The following RARB variants were observed in gnomAD, a reference collection of about 807,000 sequenced individuals.
RARB encodes retinoic acid receptor beta.
RARB carries 17 observed loss-of-function variants against 51.9 expected under a neutral mutation model. The ratio of observed to expected loss-of-function variants is 0.33; its 90% CI spans 0.22 to 0.49. The LOEUF is 0.49. Ranked by LOEUF, RARB falls within the 20% of genes least tolerant of loss-of-function variation. The probability of loss-of-function intolerance (pLI) is 0.99; values close to 1 mark genes in which losing one functional copy is unlikely to be tolerated. For synonymous variants in RARB, 215 were observed against 195.4 expected (o/e 1.10, Z -0.84); for missense variants, 369 against 550.8 (o/e 0.67, Z 3.30).
chr3:24,884,592 C>G (rs1218930001), intron 2 of RARB, among the ~76,000 whole-genome samples: 1 of 152,110 alleles, frequency 6.6e-6, no homozygotes, highest in African/African-American at 2.4e-5. Flanking sequence ...GCTTTTGCCT[C>G]AAACTTCATT....
chr3:25,195,315 A>G (rs1244945433), intron 5 of RARB, among the ~76,000 whole-genome samples: 1 of 151,990 alleles, frequency 6.6e-6, no homozygotes, highest in Non-Finnish European at 1.5e-5. Context: ...TACATGCTCA[A>G]TTTCTGACAA....
intron 3 of RARB, among the ~76,000 whole-genome samples, chr3:25,094,831 C>T (rs1034062627): frequency 6.6e-6 from 1 of 151,228 alleles, no homozygotes; most frequent in Non-Finnish European, 1.5e-5. Flanking sequence ...TGTGCCAAAG[C>T]TCTGGCCTTT....
chr3:25,264,610 CACTA>C (rs1244898764), intron 5 of RARB, among the ~76,000 whole-genome samples: 3 of 152,134 alleles, frequency 2.0e-5, no homozygotes, highest in African/African-American at 7.2e-5. Flanking sequence ...AAATATCAGA[CACTA>C]ACATTTATTA....
chr3:25,209,892 C>T (rs1701648629), intron 5 of RARB, among the ~76,000 whole-genome samples: 1 of 152,170 alleles, frequency 6.6e-6, no homozygotes, highest in African/African-American at 2.4e-5. Flanking sequence ...GGGAAGCTCT[C>T]CTCTGCCATC....
At chr3:25,343,586 C>T (rs1188220589) in intron 5 of RARB, among the ~76,000 whole-genome samples, 1 of 151,882 alleles carries the variant, frequency 6.6e-6, no homozygotes, top group Non-Finnish European at 1.5e-5. Context: ...AATTTATGTT[C>T]CACAGAACCC....
Position 25,100,087 on chromosome 3 carries a change from C to T in RARB, c.-327-32074C>T, listed in dbSNP as rs545500793. 9.9e-5 allele frequency among the ~76,000 whole-genome samples: 15 copies of T among 152,238 alleles called. No individual in the cohort carries two copies. In the South Asian group the frequency reaches 2.9e-3, roughly 29 times the overall value. ...TTAGGGGATGAGAGGTAACAAAGTG[C>T]TCATTCATTCATTCATCCCTGGATT... On this transcript the variant is annotated intron_variant, in intron 3 of 11. Transcript: ENST00000383772.
intron 2 of RARB, among the ~76,000 whole-genome samples, chr3:24,980,528 T>C (rs1429561066): frequency 6.6e-6 from 1 of 152,184 alleles, no homozygotes; most frequent in African/African-American, 2.4e-5. Flanking sequence ...GTCGATCAAA[T>C]TCGATCCTTT....
chr3:25,393,408 T>G (rs1223888645), intron 5 of RARB, among the ~76,000 whole-genome samples: 1 of 152,098 alleles, frequency 6.6e-6, no homozygotes, highest in Admixed American at 6.6e-5. Flanking sequence ...CTTCATAAAA[T>G]GATTTAGGGA....
chr3:25,357,569 G>A (rs201568362), intron 5 of RARB, among the ~76,000 whole-genome samples: 5 of 152,128 alleles, frequency 3.3e-5, no homozygotes, highest in East Asian at 1.9e-4. Flanking sequence ...TGGTGTTTTA[G>A]TCATGAAGTA....
At chr3:24,913,134 C>T (rs1210481633) in intron 2 of RARB, among the ~76,000 whole-genome samples, 1 of 151,604 alleles carries the variant, frequency 6.6e-6, no homozygotes, top group African/African-American at 2.4e-5. Flanking sequence ...GCACCCGCCA[C>T]CACGCCCGGC....
chr3:25,026,128 T>C (rs1209730400), intron 2 of RARB, among the ~76,000 whole-genome samples: 1 of 152,106 alleles, frequency 6.6e-6, no homozygotes, highest in Non-Finnish European at 1.5e-5. Context: ...GCCGTGGGCC[T>C]TCTTAGATAC....
chr3:24,989,259 A>G (rs1341378681), intron 2 of RARB, among the ~76,000 whole-genome samples: 1 of 152,254 alleles, frequency 6.6e-6, no homozygotes, highest in Non-Finnish European at 1.5e-5. Context: ...AGAATGGGAT[A>G]TTGAATAACA....
intron 5 of RARB, among the ~76,000 whole-genome samples, chr3:25,589,507 T>C (rs1701530806): frequency 6.6e-6 from 1 of 152,216 alleles, no homozygotes; most frequent in South Asian, 2.1e-4. Flanking sequence ...GGAATAGAAA[T>C]GAAGGATCAC....
intron 3 of RARB, among the ~76,000 whole-genome samples, chr3:25,120,564 G>A (rs867073347): frequency 2.4e-5 from 1 of 41,952 alleles, no homozygotes; most frequent in African/African-American, 7.6e-5. Context: ...TCTCTCTCTC[G>A]ATATGCCTAT....
At chr3:25,548,467 G>A (rs764043751) in intron 3 of RARB, among the ~76,000 whole-genome samples, 2 of 151,970 alleles carry the variant, frequency 1.3e-5, no homozygotes, top group Admixed American at 6.6e-5. Context: ...GAATAATACA[G>A]GAGGACCAGC....
chr3:25,487,554 A>T (rs1372205508), intron 2 of RARB, among the ~76,000 whole-genome samples: 1 of 151,848 alleles, frequency 6.6e-6, no homozygotes, highest in East Asian at 1.9e-4. Context: ...CCCCATTAAG[A>T]TAACAAGATG....
chr3:25,212,052 G>A (rs1281655834), intron 5 of RARB, among the ~76,000 whole-genome samples: 2 of 152,136 alleles, frequency 1.3e-5, no homozygotes, highest in East Asian at 3.9e-4. Context: ...TGTTTAGTGG[G>A]TTGGAGTGGG....
chr3:25,374,990 C>T (rs893162679), intron 5 of RARB, among the ~76,000 whole-genome samples: 5 of 151,986 alleles, frequency 3.3e-5, no homozygotes, highest in Non-Finnish European at 7.4e-5. Context: ...TTATTTAGTG[C>T]AAGATGCACT....
chr3:25,234,386 G>T (rs1384852847), intron 5 of RARB, among the ~76,000 whole-genome samples: 1 of 152,060 alleles, frequency 6.6e-6, no homozygotes, highest in Non-Finnish European at 1.5e-5. Context: ...CTTAATATTA[G>T]TAAGTTGCAT....
Sources: gnomAD v4.1 joint callset for allele counts (sites outside exome capture counted in the v4.1 genomes callset) on GRCh38, gnomAD v4.1.1 for gene constraint, MANE v1.5 for transcripts, NCBI Gene and HGNC (gene_info 2026-07-23, HGNC 2026-07-21) for gene names.